AOAH: variants seen among roughly 807,000 people sequenced by gnomAD.
AOAH encodes the protein acyloxyacyl hydrolase.
AOAH carries 64 observed loss-of-function variants against 92.2 expected under a neutral mutation model. The observed-to-expected ratio is 0.69, with a 90% confidence interval of 0.57 to 0.86. The LOEUF is 0.86. Among genes scored for constraint, AOAH ranks in the 40% least tolerant of loss-of-function variants. The probability of loss-of-function intolerance (pLI) is 0.00; values close to 1 mark genes in which losing one functional copy is unlikely to be tolerated. For synonymous variants in AOAH, 263 were observed against 254.5 expected (o/e 1.03, Z -0.32); for missense variants, 656 against 694.6 (o/e 0.94, Z 0.62).
intron 11 of AOAH, among the ~76,000 whole-genome samples, chr7:36,610,863 C>T (rs537103351): frequency 1.5e-4 from 23 of 152,192 alleles, no homozygotes; most frequent in African/African-American, 5.5e-4. Flanking sequence ...GATTGCCCAG[C>T]CAAGAAAAAT....
At chr7:36,599,032 G>GT (rs1229673854) in intron 11 of AOAH, among the ~76,000 whole-genome samples, 1 of 152,184 alleles carries the variant, frequency 6.6e-6, no homozygotes, top group Non-Finnish European at 1.5e-5. Flanking sequence ...GAGCAACCTA[G>GT]TGAGTGTTAG....
In AOAH at chr7:36,637,878, T is replaced by C; in HGVS notation, c.423A>G (p.Arg141=). The change falls in exon 5 of 21, where the codon AGA becomes AGG. Residue 141 remains arginine (R), a synonymous_variant. Transcript: ENST00000617537. ...GAATCGGGGACTTCTTGACAATTTG[T>C]CTTGCCTTCTGTAGTGTAAATTTCC... ...ETWKFTLQKA[R]QIVKKSPILK... 3 of 1,614,124 alleles carry C rather than the reference T, an allele frequency of 1.9e-6. No homozygotes were observed. Among genetic ancestry groups the C allele is most frequent in the Non-Finnish European group, 2.5e-6 (3 of 1,179,944 alleles).
intron 6 of AOAH, among the ~76,000 whole-genome samples, chr7:36,627,140 C>A (rs1792720794): frequency 1.3e-5 from 2 of 152,122 alleles, no homozygotes; most frequent in Admixed American, 6.6e-5. Flanking sequence ...TCCTACAGTT[C>A]CTGCAATTTA....
At chr7:36,637,940 A>G (rs1268388171) in intron 4 of AOAH, 30 bp from the exon 5 acceptor site, 2 of 1,551,980 alleles carry the variant, frequency 1.3e-6, no homozygotes, top group Non-Finnish European at 1.8e-6. Flanking sequence ...GAACATTACA[A>G]CTCATGTTTT....
chr7:36,666,563 T>G (rs1293902139), intron 3 of AOAH, among the ~76,000 whole-genome samples: 1 of 152,124 alleles, frequency 6.6e-6, no homozygotes, highest in East Asian at 1.9e-4. Context: ...CTATGGTCAA[T>G]TTCCTTGTTT....
At chr7:36,630,724 G>A (rs777900029) in intron 6 of AOAH, among the ~76,000 whole-genome samples, 13 of 152,082 alleles carry the variant, frequency 8.5e-5, no homozygotes, top group Non-Finnish European at 1.8e-4. Context: ...GGGAAGCTGA[G>A]GCTCAGAGGC....
At chr7:36,533,852 C>T (rs1784847904) in intron 16 of AOAH, among the ~76,000 whole-genome samples, 2 of 152,136 alleles carry the variant, frequency 1.3e-5, no homozygotes, top group Admixed American at 6.5e-5. Context: ...TGAGTTGCGG[C>T]CTTCCGTCTC....
chr7:36,700,694 A>G (rs1163556946), intron 1 of AOAH, among the ~76,000 whole-genome samples: 3 of 152,096 alleles, frequency 2.0e-5, no homozygotes, highest in Non-Finnish European at 4.4e-5. Context: ...CTTTGGGTAG[A>G]TGCCCAGTAG....
chr7:36,659,422 G>A (rs1298697759), intron 3 of AOAH, among the ~76,000 whole-genome samples, 157 bp from the exon 4 acceptor site: 2 of 152,200 alleles, frequency 1.3e-5, no homozygotes, highest in African/African-American at 4.8e-5. Flanking sequence ...GCTGCTGGAT[G>A]GTAATGATTT....
At chr7:36,588,299 C>A (rs950361019) in intron 12 of AOAH, among the ~76,000 whole-genome samples, 2 of 152,088 alleles carry the variant, frequency 1.3e-5, no homozygotes, top group African/African-American at 4.8e-5. Context: ...TAGTGGAAAG[C>A]CTTAGTATTG....
At chr7:36,662,216 C>A (rs1157442719) in intron 3 of AOAH, among the ~76,000 whole-genome samples, 1 of 152,208 alleles carries the variant, frequency 6.6e-6, no homozygotes, top group Non-Finnish European at 1.5e-5. Context: ...TGAAAACAGG[C>A]TGGAACCATG....
chr7:36,543,942 TC>T (rs1446223357), intron 15 of AOAH, among the ~76,000 whole-genome samples: 6 of 84,636 alleles, frequency 7.1e-5, no homozygotes, highest in African/African-American at 1.4e-4. Flanking sequence ...TTTCTTTCTT[TC>T]TTTCTTTTTT....
intron 4 of AOAH, among the ~76,000 whole-genome samples, chr7:36,658,036 T>C (rs1006098264): frequency 6.6e-5 from 10 of 152,128 alleles, no homozygotes; most frequent in Admixed American, 6.5e-4. Context: ...TCACACGCTA[T>C]TTGAACACAT....
At chr7:36,626,523 A>C (rs1792675186) in intron 6 of AOAH, among the ~76,000 whole-genome samples, 1 of 152,198 alleles carries the variant, frequency 6.6e-6, no homozygotes, top group Admixed American at 6.5e-5. Flanking sequence ...TTCACAGCCC[A>C]CTAATCAAAA....
At chr7:36,623,933 G>A (rs1488338755) in intron 6 of AOAH, among the ~76,000 whole-genome samples, 2 of 152,134 alleles carry the variant, frequency 1.3e-5, no homozygotes, top group Admixed American at 6.5e-5. Context: ...AGGAAAATAG[G>A]GTCTGGAGGC....
At chr7:36,651,987 C>T (rs1227807380) in intron 4 of AOAH, among the ~76,000 whole-genome samples, 1 of 152,064 alleles carries the variant, frequency 6.6e-6, no homozygotes, top group African/African-American at 2.4e-5. Context: ...ACAAAGAAGA[C>T]CAGGACCTAA....
Position 36,576,707 on chromosome 7 carries a change from A to C in AOAH, c.939-51T>G, listed in dbSNP as rs113599136. 184 of 932,742 alleles carry C rather than the reference A, an allele frequency of 2.0e-4. 7 individuals are homozygous for C. The Middle Eastern group carries it at 2.3e-3, about 12-fold the overall frequency. The allele number at this position is 932,742 out of a possible 1,614,324, so 57.8% of individuals were successfully genotyped here. On this transcript the variant is annotated intron_variant, in intron 12 of 20. Coordinates refer to ENST00000617537, the MANE Select transcript of AOAH (RefSeq NM_001637.4). ...TTAAGGTCAGGATACTCACATAAAG[A>C]AGTTTAAACAAACCATGTTTACATC...
chr7:36,691,186 CACA>C (rs1797375357), intron 1 of AOAH, among the ~76,000 whole-genome samples: 1 of 152,172 alleles, frequency 6.6e-6, no homozygotes, highest in African/African-American at 2.4e-5. Flanking sequence ...ATTCAAACTT[CACA>C]ACAACTCATA....
intron 12 of AOAH, among the ~76,000 whole-genome samples, chr7:36,582,425 C>G (rs1788995032): frequency 1.3e-5 from 2 of 152,156 alleles, no homozygotes; most frequent in Admixed American, 1.3e-4. Context: ...GAGGGCCTGG[C>G]AGTACAGGCA....
Sources: allele counts gnomAD v4.1 joint callset (sites outside exome capture counted in the v4.1 genomes callset), GRCh38; gene constraint gnomAD v4.1.1; transcripts MANE v1.5; gene names NCBI Gene and HGNC (gene_info 2026-07-23, HGNC 2026-07-21).